Variants in CHST11 observed in about 807,000 individuals in gnomAD.
The protein encoded by CHST11 is C4S-1.
In CHST11, 9 loss-of-function variants were observed where a neutral mutation model predicts 30.4. The observed-to-expected ratio is 0.30, with a 90% confidence interval of 0.18 to 0.52. CHST11 has a LOEUF of 0.52. Ranked by LOEUF, CHST11 falls within the 20% of genes least tolerant of loss-of-function variation. The probability of loss-of-function intolerance (pLI) is 0.97; values close to 1 mark genes in which losing one functional copy is unlikely to be tolerated. For missense variants in CHST11, 348 were observed against 460.6 expected (o/e 0.76, Z 2.24); for synonymous variants, 152 against 187.8 (o/e 0.81, Z 1.56).
intron 2 of CHST11, among the ~76,000 whole-genome samples, chr12:104,687,259 T>G (rs966576170): frequency 2.6e-5 from 4 of 152,252 alleles, no homozygotes; most frequent in African/African-American, 9.6e-5. Context: ...CTTGTTCTCA[T>G]TTGGGTGGTC....
intron 2 of CHST11, among the ~76,000 whole-genome samples, chr12:104,604,236 C>G (rs1378946525): frequency 6.6e-6 from 1 of 152,042 alleles, no homozygotes; most frequent in Non-Finnish European, 1.5e-5. Flanking sequence ...GAGCAGTAGC[C>G]TGGGACTTGG....
chr12:104,673,314 A>G (rs535400077), intron 2 of CHST11, among the ~76,000 whole-genome samples: 4 of 152,188 alleles, frequency 2.6e-5, no homozygotes, highest in Middle Eastern at 3.4e-3. Flanking sequence ...CATTCAGCCT[A>G]CTGTACCTGT....
chr12:104,533,437 GA>G, intron 1 of CHST11, among the ~76,000 whole-genome samples: 1 of 152,176 alleles, frequency 6.6e-6, no homozygotes, highest in Non-Finnish European at 1.5e-5. Context: ...ACCTGGGGAA[GA>G]ACTTATAAGT....
intron 2 of CHST11, among the ~76,000 whole-genome samples, chr12:104,721,082 A>ACTGAAACCCACCCTGTGGTG (rs1391247518): frequency 1.3e-5 from 2 of 152,182 alleles, no homozygotes; most frequent in East Asian, 3.9e-4. Context: ...CTTACAAAAG[A>ACTGAAACCCACCCTGTGGTG]CTGAAACCCA....
intron 2 of CHST11, among the ~76,000 whole-genome samples, chr12:104,751,224 A>C (rs900350281): frequency 2.6e-5 from 4 of 152,176 alleles, no homozygotes; most frequent in African/African-American, 9.7e-5. Flanking sequence ...TGGCCAGAAA[A>C]TTGTCTCCAG....
chr12:104,613,086 A>C (rs2039074654), intron 2 of CHST11, among the ~76,000 whole-genome samples: 1 of 151,966 alleles, frequency 6.6e-6, no homozygotes, highest in South Asian at 2.1e-4. Flanking sequence ...TTAGCCAGGC[A>C]TGGTGGCACG....
chr12:104,647,886 G>A (rs2694414), intron 2 of CHST11, among the ~76,000 whole-genome samples: 45,915 of 152,042 alleles, frequency 0.3, 7,095 homozygotes, highest in African/African-American at 0.36. Flanking sequence ...TATCAAGTTC[G>A]TACTTTTCCA....
chr12:104,710,832 G>A (rs2280685), intron 2 of CHST11, among the ~76,000 whole-genome samples: 38,457 of 152,012 alleles, frequency 0.25, 5,554 homozygotes, highest in East Asian at 0.38. Context: ...CAGCTCTGAA[G>A]CATCTCTCCA....
At chr12:104,586,358 G>T (rs1004772580) in intron 1 of CHST11, among the ~76,000 whole-genome samples, 2 of 152,244 alleles carry the variant, frequency 1.3e-5, no homozygotes, top group African/African-American at 4.8e-5. Flanking sequence ...AGGGACTGGA[G>T]CCCTGGGCGA....
intron 2 of CHST11, among the ~76,000 whole-genome samples, chr12:104,712,412 A>G (rs2040095225): frequency 1.3e-5 from 2 of 152,168 alleles, no homozygotes; most frequent in Non-Finnish European, 2.9e-5. Context: ...AGCGCCTCAC[A>G]GCAGCCGCCC....
intron 2 of CHST11, among the ~76,000 whole-genome samples, chr12:104,745,701 T>C (rs2040384488): frequency 6.6e-6 from 1 of 152,170 alleles, no homozygotes; most frequent in Admixed American, 6.5e-5. Flanking sequence ...TTTGTGGCCA[T>C]TGTGAATGGG....
In CHST11 at chr12:104,744,868, TA is replaced by T. The variant is rs1160231853; in HGVS notation, c.205-12080del. 1.4e-3 allele frequency among the ~76,000 whole-genome samples: 214 copies of T among 150,990 alleles called. 1 individual carries two copies. The highest frequency in any genetic ancestry group is 5.0e-3 in the African/African-American group (208 of 41,202). On this transcript the variant is annotated intron_variant, in intron 2 of 2. Transcript: ENST00000303694. Reference sequence around the variant, plus strand: ...TCATTTATTTATTTATTTATTTATTTATTTATTTATTTATTTATTTTTTGAG... The same window carrying T: ...TCATTTATTTATTTATTTATTTATTTTTTATTTATTTATTTATTTTTTGAG...
intron 1 of CHST11, among the ~76,000 whole-genome samples, chr12:104,571,415 G>A (rs1420640872): frequency 6.6e-6 from 1 of 152,068 alleles, no homozygotes; most frequent in African/African-American, 2.4e-5. Flanking sequence ...CGCCCGCTTC[G>A]GCCTCCCAAA....
chr12:104,519,071 G>GGGGTGTGTGTGTGTGTGT (rs1555229563), intron 1 of CHST11, among the ~76,000 whole-genome samples: 1 of 139,570 alleles, frequency 7.2e-6, no homozygotes, highest in African/African-American at 2.7e-5. Flanking sequence ...GGACTCTTGA[G>GGGGTGTGTGTGTGTGTGT]GTGTGTGTGT....
intron 1 of CHST11, among the ~76,000 whole-genome samples, chr12:104,534,000 A>C (rs1338646263): frequency 1.3e-5 from 2 of 152,340 alleles, no homozygotes; most frequent in East Asian, 3.9e-4. Context: ...AAAGTTACTT[A>C]TAATGAAAGA....
Position 104,757,480 on chromosome 12 carries a change from G to C in CHST11, c.736G>C (p.Asp246His). 2 of 1,613,986 alleles carry C rather than the reference G, an allele frequency of 1.2e-6. No individual in the cohort carries two copies. Among genetic ancestry groups the C allele is most frequent in the East Asian group, 2.2e-5 (1 of 44,874 alleles). The stretch of plus-strand genomic sequence containing the variant: ...CGAGGAGTTTGTGGCCTATCTCATC[G>C]ACCCACACACCCAGCGGGAGGAGCC... ...KFEEFVAYLI[D>H]PHTQREEPFN... The change falls in exon 3 of 3, where the codon GAC becomes CAC. Residue 246 changes from aspartate to histidine, a missense_variant. Coordinates refer to ENST00000303694, the MANE Select transcript of CHST11 (RefSeq NM_018413.6). The surrounding 1 kb of genome is among the most constrained non-coding windows in gnomAD (Gnocchi z 6.5).
chr12:104,753,679 T>C (rs1298472851), intron 2 of CHST11, among the ~76,000 whole-genome samples: 1 of 152,188 alleles, frequency 6.6e-6, no homozygotes, highest in Non-Finnish European at 1.5e-5. Context: ...AAAGAATACA[T>C]GGCCACCAGT....
At chr12:104,522,288 G>A (rs565844346) in intron 1 of CHST11, among the ~76,000 whole-genome samples, 2 of 152,274 alleles carry the variant, frequency 1.3e-5, no homozygotes, top group African/African-American at 4.8e-5. Context: ...TCACTGAGCC[G>A]TGTTATTTTT....
intron 2 of CHST11, among the ~76,000 whole-genome samples, chr12:104,741,848 CA>C (rs1291618266): frequency 1.3e-5 from 2 of 152,206 alleles, no homozygotes; most frequent in African/African-American, 4.8e-5. Context: ...CGATCAAGAG[CA>C]GGTTCCCAGG....
Sources: gnomAD v4.1 joint callset for allele counts (sites outside exome capture counted in the v4.1 genomes callset) on GRCh38, gnomAD v4.1.1 for gene constraint, Gnocchi (gnomAD v3.1) non-coding constraint, MANE v1.5 for transcripts, NCBI Gene and HGNC (gene_info 2026-07-23, HGNC 2026-07-21) for gene names.